Variants in FOXK1 observed in about 807,000 individuals in gnomAD.
The protein encoded by FOXK1 is forkhead box K1.
FOXK1 carries 19 observed loss-of-function variants against 51.9 expected under a neutral mutation model. The observed-to-expected ratio is 0.37, with a 90% CI of 0.26 to 0.54. The LOEUF (loss-of-function observed/expected upper bound fraction) is 0.54, where lower values mean the gene tolerates loss of function less well. Among genes scored for constraint, FOXK1 ranks in the 20% least tolerant of loss-of-function variants. FOXK1 has a pLI of 0.87. For synonymous variants in FOXK1, 537 were observed against 482.6 expected (o/e 1.11, Z -1.48); for missense variants, 870 against 1,032.7 (o/e 0.84, Z 2.16).
intron 7 of FOXK1, chr7:4,759,839 T>C: frequency 1.7e-6 from 1 of 578,740 alleles, no homozygotes; most frequent in Non-Finnish European, 3.0e-6. Flanking sequence ...GAGGTCAGCC[T>C]GGCCAACATA....
At chr7:4,728,743 A>G (rs1485095175) in intron 1 of FOXK1, among the ~76,000 whole-genome samples, 1 of 151,100 alleles carries the variant, frequency 6.6e-6, no homozygotes, top group Non-Finnish European at 1.5e-5. Flanking sequence ...AAAAAAAAAA[A>G]AAAAAAAAGA....
At chr7:4,718,080 C>A (rs1780259742) in intron 1 of FOXK1, among the ~76,000 whole-genome samples, 1 of 152,230 alleles carries the variant, frequency 6.6e-6, no homozygotes, top group Non-Finnish European at 1.5e-5. Context: ...CCACCAGCTC[C>A]ATGGACACAC....
Position 4,761,254 on chromosome 7 carries a change from G to A in FOXK1, c.1887G>A (p.Ala629=), listed in dbSNP as rs200934388. 33 of 1,613,000 alleles carry A rather than the reference G, an allele frequency of 2.0e-5. No homozygotes were observed. Among genetic ancestry groups the A allele is most frequent in the East Asian group, 1.3e-4 (6 of 44,882 alleles). ...VRAVTQNGKH[A]VPTNSLAGNA... is the part of the protein sequence containing the mutation. ...CCGTGACCCAGAACGGAAAGCATGCGGTTCCCACGAACAGTTTAGCCGGCA... is the reference window on the plus strand; with the variant it reads ...CCGTGACCCAGAACGGAAAGCATGCAGTTCCCACGAACAGTTTAGCCGGCA... The change falls in exon 8 of 9, where the codon GCG becomes GCA. Residue 629 remains alanine (A), a synonymous_variant. Coordinates refer to ENST00000328914, the MANE Select transcript of FOXK1 (RefSeq NM_001037165.2). The surrounding 1 kb of genome is among the most constrained non-coding windows in gnomAD (Gnocchi z 6.2).
At position 4,767,059 on chromosome 7, in the gene FOXK1, CG is replaced by C. The variant is rs1235949737; in HGVS notation, c.*4598del. The C allele has an allele frequency of 6.6e-6, 1 of 152,132 alleles. No individual in the cohort carries two copies. Among genetic ancestry groups the C allele is most frequent in the Non-Finnish European group, 1.5e-5 (1 of 68,060 alleles). 9.4% of individuals were successfully genotyped at this position (152,132 alleles called of 1,614,324 possible). A position where few individuals can be genotyped will look rare whatever the true frequency, so the allele number is the denominator to read the frequency against. On this transcript the variant is annotated 3_prime_UTR_variant, in exon 9 of 9. Transcript: ENST00000328914. The surrounding 1 kb of genome is among the most constrained non-coding windows in gnomAD (Gnocchi z 6.6). Reference sequence around the variant, plus strand: ...TTTTCCCCTTCGCTTTCAGAGCCGGCGGGAGTGCAGGTCTGTTTTGCTTCAG... The same window carrying C: ...TTTTCCCCTTCGCTTTCAGAGCCGGCGGAGTGCAGGTCTGTTTTGCTTCAG...
intron 1 of FOXK1, among the ~76,000 whole-genome samples, chr7:4,701,191 G>T (rs1780016842): frequency 6.6e-6 from 1 of 152,198 alleles, no homozygotes; most frequent in African/African-American, 2.4e-5. Context: ...GAGCTAAACA[G>T]CAGGGGTTTG....
intron 2 of FOXK1, among the ~76,000 whole-genome samples, chr7:4,744,033 C>A (rs561226787): frequency 6.6e-6 from 1 of 152,044 alleles, no homozygotes; most frequent in South Asian, 2.1e-4. Flanking sequence ...CATGCCACCA[C>A]GCCCGGCTAA....
At chr7:4,732,141 C>T (rs1250433844) in intron 1 of FOXK1, among the ~76,000 whole-genome samples, 1 of 152,242 alleles carries the variant, frequency 6.6e-6, no homozygotes, top group Admixed American at 6.5e-5. Flanking sequence ...TTCCCCCACG[C>T]CTCAGTATTT....
At chr7:4,757,855 C>A (rs1780876498) in intron 5 of FOXK1, among the ~76,000 whole-genome samples, 1 of 152,054 alleles carries the variant, frequency 6.6e-6, no homozygotes, top group Non-Finnish European at 1.5e-5. Context: ...AACCCCCGCC[C>A]CTCAAGTACC....
At chr7:4,720,777 G>A (rs1780298444) in intron 1 of FOXK1, among the ~76,000 whole-genome samples, 1 of 151,496 alleles carries the variant, frequency 6.6e-6, no homozygotes, top group Non-Finnish European at 1.5e-5. Flanking sequence ...TCGGTGCAGT[G>A]GCGCGATCTT....
In FOXK1 at chr7:4,748,234, A is replaced by C. The variant is rs1253933941; in HGVS notation, c.747-6225A>C. On this transcript the variant is annotated intron_variant, in intron 2 of 8. Coordinates refer to ENST00000328914, the MANE Select transcript of FOXK1 (RefSeq NM_001037165.2). This position sits in a 1 kb window ranked among gnomAD's most constrained non-coding sequence, Gnocchi z 4.9. ...CCCCAGAGCTGAGCCCTTCTCTCTCACTTCTGTGTCTCTGAGTCGTATTCG... is the reference window on the plus strand; with the variant it reads ...CCCCAGAGCTGAGCCCTTCTCTCTCCCTTCTGTGTCTCTGAGTCGTATTCG... 6.6e-6 allele frequency among the ~76,000 whole-genome samples: 1 copy of C among 151,946 alleles called. No individual in the cohort carries two copies. Among genetic ancestry groups the C allele is most frequent in the Non-Finnish European group, 1.5e-5 (1 of 67,996 alleles).
chr7:4,702,509 A>AT (rs1335158206), intron 1 of FOXK1, among the ~76,000 whole-genome samples: 3 of 151,822 alleles, frequency 2.0e-5, no homozygotes, highest in Non-Finnish European at 4.4e-5. Flanking sequence ...TGCCTGGCTA[A>AT]TTTTTTTGTA....
At chr7:4,740,764 C>T (rs956869323) in intron 1 of FOXK1, 74 bp from the exon 2 acceptor site, 41 of 1,461,504 alleles carry the variant, frequency 2.8e-5, no homozygotes, top group African/African-American at 8.8e-5. Context: ...CACACAGACA[C>T]GCACCTTCCC....
In FOXK1 at chr7:4,731,207, G is replaced by A. The variant is rs942431722; in HGVS notation, c.561-9631G>A. On this transcript the variant is annotated intron_variant, in intron 1 of 8. Transcript: ENST00000328914. The surrounding 1 kb of genome is among the most constrained non-coding windows in gnomAD (Gnocchi z 5.3). ...AGGTGGTGGGTGAGCATCCCTGCAA[G>A]TCAAGCTCTGCTGTTCCCCGGCCTT... Among the ~76,000 whole-genome samples the A allele has an allele frequency of 2.0e-5, 3 of 152,190 alleles. No homozygotes were observed. The highest frequency in any genetic ancestry group is 4.4e-5 in the Non-Finnish European group (3 of 68,020).
chr7:4,682,497 C>T lies in FOXK1; in HGVS notation c.189C>T (p.Gly63=). ...PPPPPPPLPP[G]AIAGAGSSGG... ...CGCCGCCACCGCCGCTGCCTCCGGGCGCGATCGCGGGCGCGGGCTCCTCCG... is the reference window on the plus strand; with the variant it reads ...CGCCGCCACCGCCGCTGCCTCCGGGTGCGATCGCGGGCGCGGGCTCCTCCG... Residue 63 remains glycine (G), a synonymous_variant, in exon 1 of 9, where the codon GGC becomes GGT. Coordinates refer to ENST00000328914, the MANE Select transcript of FOXK1 (RefSeq NM_001037165.2). This position sits in a 1 kb window ranked among gnomAD's most constrained non-coding sequence, Gnocchi z 7.6. The T allele has an allele frequency of 2.0e-6, 2 of 1,024,354 alleles. No individual in the cohort carries two copies. The highest frequency in any genetic ancestry group is 2.3e-6 in the Non-Finnish European group (2 of 857,436). The allele number at this position is 1,024,354 out of a possible 1,614,324, so 63.5% of individuals were successfully genotyped here. A position where few individuals can be genotyped will look rare whatever the true frequency, so the allele number is the denominator to read the frequency against.
chr7:4,758,748 A>G lies in FOXK1; in HGVS notation c.1245-303A>G, dbSNP rs1056017719. ...GGCACAGAAGGCCTGGGCCATTTTCATGGACACCTGGCTGGACCTCGGTGG... is the reference window on the plus strand; with the variant it reads ...GGCACAGAAGGCCTGGGCCATTTTCGTGGACACCTGGCTGGACCTCGGTGG... On this transcript the variant is annotated intron_variant, in intron 5 of 8. Transcript: ENST00000328914. The surrounding 1 kb of genome is among the most constrained non-coding windows in gnomAD (Gnocchi z 4.4). The G allele has an allele frequency of 1.1e-5, 4 of 358,164 alleles. No homozygotes were observed. The highest frequency in any genetic ancestry group is 2.0e-5 in the Non-Finnish European group (4 of 198,492). The allele number at this position is 358,164 out of a possible 1,614,324, so 22.2% of individuals were successfully genotyped here. A position where few individuals can be genotyped will look rare whatever the true frequency, so the allele number is the denominator to read the frequency against.
At chr7:4,706,831 C>T (rs772229593) in intron 1 of FOXK1, among the ~76,000 whole-genome samples, 1 of 152,122 alleles carries the variant, frequency 6.6e-6, no homozygotes, top group South Asian at 2.1e-4. Flanking sequence ...CTTCCTTGGC[C>T]GCCCGGATGC....
In FOXK1 at chr7:4,715,965, T is replaced by G. The variant is rs1780228355; in HGVS notation, c.561-24873T>G. On this transcript the variant is annotated intron_variant, in intron 1 of 8. Transcript: ENST00000328914. This position sits in a 1 kb window ranked among gnomAD's most constrained non-coding sequence, Gnocchi z 4.5. ...TGCAGACCTCAGTCAGGCGCAGTGG[T>G]TCACGCCTGTAATCCCAGCACTTTG... 6.6e-6 allele frequency among the ~76,000 whole-genome samples: 1 copy of G among 152,150 alleles called. No individual in the cohort carries two copies. The highest frequency in any genetic ancestry group is 1.5e-5 in the Non-Finnish European group (1 of 68,020).
At position 4,703,774 on chromosome 7, in the gene FOXK1, A is replaced by G. The variant is rs932659740; in HGVS notation, c.560+20906A>G. ...CACTTTCAGAGCATCGTGACTAGAT[A>G]AAAGTAGGTGAAAAGGGAATCGCAG... On this transcript the variant is annotated intron_variant, in intron 1 of 8. Coordinates refer to ENST00000328914, the MANE Select transcript of FOXK1 (RefSeq NM_001037165.2). The surrounding 1 kb of genome is among the most constrained non-coding windows in gnomAD (Gnocchi z 5.6). Among the ~76,000 whole-genome samples the G allele has an allele frequency of 1.3e-5, 2 of 152,168 alleles. No homozygotes were observed. Among genetic ancestry groups the G allele is most frequent in the African/African-American group, 2.4e-5 (1 of 41,438 alleles).
At position 4,756,988 on chromosome 7, in the gene FOXK1, C is replaced by T; in HGVS notation, c.1051-6C>T. On this transcript the variant is annotated splice_polypyrimidine_tract_variant and splice_region_variant and intron_variant, in intron 4 of 8. Transcript: ENST00000328914. The surrounding 1 kb of genome is among the most constrained non-coding windows in gnomAD (Gnocchi z 4.1). ...GTGATGGGTGAATATCTCTGCTTCC[C>T]TGCAGAATTCTATCCGGCACAACCT... The T allele has an allele frequency of 6.2e-7, 1 of 1,612,496 alleles. No homozygotes were observed.
Sources: gnomAD v4.1 joint callset for allele counts (sites outside exome capture counted in the v4.1 genomes callset) on GRCh38, gnomAD v4.1.1 for gene constraint, Gnocchi (gnomAD v3.1) non-coding constraint, MANE v1.5 for transcripts, NCBI Gene and HGNC (gene_info 2026-07-23, HGNC 2026-07-21) for gene names.